PDE1A: variants seen among roughly 807,000 people sequenced by gnomAD.
The protein encoded by PDE1A is dual specificity calcium/calmodulin-dependent 3',5'-cyclic nucleotide phosphodiesterase 1A.
Under a neutral mutation model 61.7 loss-of-function variants are expected in PDE1A, and 35 were observed. The ratio of observed to expected loss-of-function variants is 0.57; its 90% CI spans 0.43 to 0.75. The LOEUF (loss-of-function observed/expected upper bound fraction) is 0.75. PDE1A is among the 30% of genes least tolerant of loss of function. PDE1A has a pLI of 0.00. For synonymous variants in PDE1A, 232 were observed against 213.2 expected (o/e 1.09, Z -0.77); for missense variants, 597 against 630.6 (o/e 0.95, Z 0.57).
chr2:182,511,548 A>C (rs1689791267), intron 2 of PDE1A, among the ~76,000 whole-genome samples: 1 of 152,170 alleles, frequency 6.6e-6, no homozygotes, highest in Non-Finnish European at 1.5e-5. Context: ...GTGGGACTTA[A>C]GCCTGCACAG....
At chr2:182,589,528 C>T in the PDE1A span, among the ~76,000 whole-genome samples, 1 of 152,022 alleles carries the variant, frequency 6.6e-6, no homozygotes, top group East Asian at 1.9e-4. Flanking sequence ...TCATCTAAAA[C>T]AAAAATTCAA....
the PDE1A span, among the ~76,000 whole-genome samples, chr2:182,646,341 A>G: frequency 2.7e-5 from 4 of 147,082 alleles, no homozygotes; most frequent in African/African-American, 1.0e-4. Flanking sequence ...AGTCCCAGCT[A>G]CTCGGGAGGC....
the PDE1A span, among the ~76,000 whole-genome samples, chr2:182,705,235 A>C: frequency 1.3e-5 from 2 of 152,176 alleles, no homozygotes; most frequent in Non-Finnish European, 2.9e-5. Context: ...TAAATATGGC[A>C]GCTCACGTAG....
chr2:182,455,730 G>A (rs547861593), intron 2 of PDE1A, among the ~76,000 whole-genome samples: 3 of 152,166 alleles, frequency 2.0e-5, no homozygotes, highest in Non-Finnish European at 4.4e-5. Context: ...ACACAGGAAG[G>A]GGAACATCAC....
chr2:182,180,357 A>T (rs977760928), intron 13 of PDE1A, among the ~76,000 whole-genome samples: 1 of 152,164 alleles, frequency 6.6e-6, no homozygotes, highest in African/African-American at 2.4e-5. Flanking sequence ...ATGAAATTTT[A>T]GGTTGAAAAA....
chr2:182,516,751 GAAAGAAAGAA>G (rs1386005343), intron 2 of PDE1A, among the ~76,000 whole-genome samples: 2 of 78,806 alleles, frequency 2.5e-5, no homozygotes, highest in East Asian at 4.1e-4. Flanking sequence ...GAAAAAGAGA[GAAAGAAAGAA>G]AAAGAAAGAA....
rs148625166 is a variant in PDE1A at position 182,245,382 on chromosome 2, C to T, written c.168-5090G>A. Among the ~76,000 whole-genome samples, 557 of 152,280 alleles carry T rather than the reference C, an allele frequency of 3.7e-3. 4 individuals carry two copies. Among genetic ancestry groups the T allele is most frequent in the African/African-American group, 0.013 (535 of 41,550 alleles). The stretch of plus-strand genomic sequence containing the variant: ...AACATCCATAGTTTCTATGAGGACT[C>T]ACACTTTCTGTTGTACATTCTATGG... On this transcript the variant is annotated intron_variant, in intron 2 of 13. Transcript: ENST00000351439.
chr2:182,154,867 G>A (rs1690981391), intron 13 of PDE1A, among the ~76,000 whole-genome samples: 1 of 151,870 alleles, frequency 6.6e-6, no homozygotes, highest in African/African-American at 2.4e-5. Flanking sequence ...ATTAATTGAA[G>A]GATCTACTTT....
At chr2:182,546,239 G>C in the PDE1A span, among the ~76,000 whole-genome samples, 2 of 152,158 alleles carry the variant, frequency 1.3e-5, no homozygotes, top group African/African-American at 2.4e-5. Context: ...AGTCCAGCCT[G>C]CATTCCCATT....
chr2:182,600,890 G>T, the PDE1A span, among the ~76,000 whole-genome samples: 2 of 152,190 alleles, frequency 1.3e-5, no homozygotes, highest in African/African-American at 4.8e-5. Flanking sequence ...GACACAGGCA[G>T]AGATTTTTTA....
At chr2:182,219,190 G>T (rs2125586660) in intron 7 of PDE1A, among the ~76,000 whole-genome samples, 1 of 152,146 alleles carries the variant, frequency 6.6e-6, no homozygotes, top group East Asian at 1.9e-4. Flanking sequence ...AACTTAAAAT[G>T]TATGCTTCAT....
chr2:182,482,805 G>T (rs1186059174), intron 2 of PDE1A, among the ~76,000 whole-genome samples: 3 of 151,918 alleles, frequency 2.0e-5, no homozygotes, highest in Non-Finnish European at 4.4e-5. Context: ...AGTTCAGAAA[G>T]CATGTGAGTT....
At chr2:182,463,438 G>A (rs572086329) in intron 2 of PDE1A, among the ~76,000 whole-genome samples, 2 of 152,164 alleles carry the variant, frequency 1.3e-5, no homozygotes, top group East Asian at 3.9e-4. Context: ...TCAACCCTTA[G>A]ATTTAGAAAG....
In PDE1A at chr2:182,267,766, G is replaced by A. The variant is rs73032429; in HGVS notation, c.54-3352C>T. Among the ~76,000 whole-genome samples, 1,028 of 150,836 alleles carry A rather than the reference G, an allele frequency of 6.8e-3. 8 individuals carry two copies. Among genetic ancestry groups the A allele is most frequent in the African/African-American group, 0.023 (944 of 40,994 alleles). ...CAACAATCCTCAACAATCTTATTTCGGCTATTATTTTACTTTCTTCCTAGA... is the reference window on the plus strand; with the variant it reads ...CAACAATCCTCAACAATCTTATTTCAGCTATTATTTTACTTTCTTCCTAGA... On this transcript the variant is annotated intron_variant, in intron 1 of 13. Transcript: ENST00000351439.
At chr2:182,405,177 T>C (rs938997689) in intron 1 of PDE1A, among the ~76,000 whole-genome samples, 1 of 152,224 alleles carries the variant, frequency 6.6e-6, no homozygotes, top group Non-Finnish European at 1.5e-5. Flanking sequence ...CATTGTTGAC[T>C]GAAATGTTAT....
chr2:182,424,240 C>T (rs950070398), intron 1 of PDE1A, among the ~76,000 whole-genome samples: 4 of 152,076 alleles, frequency 2.6e-5, no homozygotes, highest in Non-Finnish European at 5.9e-5. Context: ...CCACGGCACC[C>T]GGCCAAATAT....
intron 1 of PDE1A, among the ~76,000 whole-genome samples, chr2:182,421,644 T>C (rs940655871): frequency 6.6e-6 from 1 of 152,180 alleles, no homozygotes; most frequent in African/African-American, 2.4e-5. Context: ...TTAAAATGTA[T>C]AACAAATCAT....
At chr2:182,334,586 T>G (rs1396924369) in intron 1 of PDE1A, among the ~76,000 whole-genome samples, 1 of 152,184 alleles carries the variant, frequency 6.6e-6, no homozygotes, top group African/African-American at 2.4e-5. Flanking sequence ...GGCTTCATGC[T>G]GAAAACTCTC....
chr2:182,687,879 A>C, the PDE1A span, among the ~76,000 whole-genome samples: 1 of 152,246 alleles, frequency 6.6e-6, no homozygotes, highest in Non-Finnish European at 1.5e-5. Context: ...CTATGCGATG[A>C]ATGCAAAAGC....
Sources: gnomAD v4.1 joint callset for allele counts (sites outside exome capture counted in the v4.1 genomes callset) on GRCh38, gnomAD v4.1.1 for gene constraint, MANE v1.5 for transcripts, NCBI Gene and HGNC (gene_info 2026-07-23, HGNC 2026-07-21) for gene names.